PAX5: variants seen among roughly 807,000 people sequenced by gnomAD.
The protein encoded by PAX5 is paired box protein Pax-5.
A neutral mutation model predicts 43.7 loss-of-function variants in PAX5; 9 were observed. The observed-to-expected ratio is 0.21, with a 90% confidence interval of 0.12 to 0.36. The LOEUF is 0.36. PAX5 is among the 10% of genes least tolerant of loss of function. PAX5 has a pLI of 1.00. For synonymous variants in PAX5, 228 were observed against 214.3 expected, an observed-to-expected ratio of 1.06 and a Z score of -0.56; for missense variants, 383 against 532.7, an observed-to-expected ratio of 0.72 and a Z score of 2.77.
chr9:36,971,770 G>A (rs994204202), intron 5 of PAX5, among the ~76,000 whole-genome samples: 3 of 152,172 alleles, frequency 2.0e-5, no homozygotes, highest in African/African-American at 7.2e-5. Context: ...AAGAAATGCT[G>A]GCTTTAAATT....
Position 36,896,983 on chromosome 9 carries a change from A to T in PAX5, c.911-14878T>A, listed in dbSNP as rs562102649. ...AGCAGATCTGAGATTCGGTTCCTGC[A>T]GTCAGACTGCAGACCTTCTGGAGGA... On this transcript the variant is annotated intron_variant, in intron 7 of 9. Coordinates refer to ENST00000358127, the MANE Select transcript of PAX5 (RefSeq NM_016734.3). Among the ~76,000 whole-genome samples, 6 of 152,352 alleles carry T rather than the reference A, an allele frequency of 3.9e-5. No individual in the cohort carries two copies. The East Asian group carries it at 1.2e-3, about 29-fold the overall frequency.
At chr9:36,904,908 G>A (rs976737525) in intron 7 of PAX5, among the ~76,000 whole-genome samples, 2 of 152,186 alleles carry the variant, frequency 1.3e-5, no homozygotes, top group African/African-American at 4.8e-5. Context: ...TGCTGGAGAA[G>A]GCAGAGACAA....
chr9:36,963,514 C>T (rs559260509), intron 6 of PAX5, among the ~76,000 whole-genome samples: 48 of 152,326 alleles, frequency 3.2e-4, no homozygotes, highest in African/African-American at 1.1e-3. Flanking sequence ...GTCCACAGCA[C>T]GCTGCCCCTG....
intron 6 of PAX5, among the ~76,000 whole-genome samples, chr9:36,955,814 C>CAT (rs1564007286): frequency 3.4e-5 from 5 of 148,748 alleles, no homozygotes; most frequent in African/African-American, 7.5e-5. Context: ...CCCACACACA[C>CAT]ATATATATAT....
At chr9:36,872,985 C>A (rs529790333) in intron 8 of PAX5, among the ~76,000 whole-genome samples, 87 of 152,350 alleles carry the variant, frequency 5.7e-4, no homozygotes, top group East Asian at 1.9e-4. Context: ...TCCCAGCTCC[C>A]TCCCTGATGC....
At chr9:36,988,271 A>C (rs1426577254) in intron 5 of PAX5, among the ~76,000 whole-genome samples, 1 of 152,202 alleles carries the variant, frequency 6.6e-6, no homozygotes, top group Non-Finnish European at 1.5e-5. Flanking sequence ...TTTCAGAAAC[A>C]TGGAGCTGAA....
chr9:37,015,166 C>A lies in PAX5; in HGVS notation c.241G>T (p.Gly81Trp), dbSNP rs2132472595. The change falls in exon 3 of 10, where the codon GGG (glycine) becomes TGG (tryptophan). Residue 81 changes from glycine (G) to tryptophan (W), a missense_variant. Physicochemically the swap from Gly to Trp is radical, Grantham distance 184. This residue lies in a region of PAX5 where 33 missense variants were observed against 70.6 expected (regional missense o/e 0.47). Transcript: ENST00000358127. The surrounding 1 kb of genome is among the most constrained non-coding windows in gnomAD (Gnocchi z 4.4). ...TTTGGTTTGGATCCTCCAATTACCC[C>A]AGGCTTGATGCTTCCTGTCTCATAA... ...RYYETGSIKP[G>W]VIGGSKPKVA... 1 of 1,614,178 alleles carries A rather than the reference C, an allele frequency of 6.2e-7. No individual in the cohort carries two copies. The highest frequency in any genetic ancestry group is 8.5e-7 in the Non-Finnish European group (1 of 1,180,020).
chr9:36,907,983 C>T (rs996291003), intron 7 of PAX5, among the ~76,000 whole-genome samples: 1 of 151,986 alleles, frequency 6.6e-6, no homozygotes. Context: ...GAGGATTGCT[C>T]GAGCCCAGGA....
chr9:37,014,738 T>C (rs1839246726), intron 3 of PAX5, among the ~76,000 whole-genome samples: 1 of 152,142 alleles, frequency 6.6e-6, no homozygotes, highest in African/African-American at 2.4e-5. Flanking sequence ...TGGAAATAAC[T>C]CTGGGCTCAG....
At chr9:36,957,122 GC>G (rs1833556632) in intron 6 of PAX5, among the ~76,000 whole-genome samples, 1 of 152,218 alleles carries the variant, frequency 6.6e-6, no homozygotes, top group Admixed American at 6.5e-5. Context: ...CTGGTGGGCG[GC>G]ATCGCTGTGC....
At chr9:36,979,148 A>T (rs1159999173) in intron 5 of PAX5, among the ~76,000 whole-genome samples, 1 of 152,114 alleles carries the variant, frequency 6.6e-6, no homozygotes, top group African/African-American at 2.4e-5. Context: ...TGTTAGATGT[A>T]CTCGGACTGG....
chr9:36,965,737 G>GC (rs1265715514), intron 6 of PAX5, among the ~76,000 whole-genome samples: 1 of 152,214 alleles, frequency 6.6e-6, no homozygotes, highest in African/African-American at 2.4e-5. Flanking sequence ...TCTCTGGTTG[G>GC]CCCACCAGGT....
chr9:37,026,303 C>G (rs1840357129), intron 1 of PAX5, among the ~76,000 whole-genome samples: 1 of 152,380 alleles, frequency 6.6e-6, no homozygotes, highest in African/African-American at 2.4e-5. Flanking sequence ...AAGGCTGCAG[C>G]TCGCTGCCCA....
Position 36,882,004 on chromosome 9 carries a change from C to T in PAX5, c.1012G>A (p.Gly338Arg), listed in dbSNP as rs2131762181. Residue 338 changes from glycine (G) to arginine (R), a missense_variant and splice_region_variant, in exon 8 of 10, where the codon GGG becomes AGG. Coordinates refer to ENST00000358127, the MANE Select transcript of PAX5 (RefSeq NM_016734.3). The surrounding 1 kb of genome is among the most constrained non-coding windows in gnomAD (Gnocchi z 4.4). ...GGAGACGCCGACAGTGCAAACTCAC[C>T]AGGCACCATCCCTGTCAGCGTCGGT... is the stretch of plus-strand genomic sequence containing the variant. Reference protein sequence around the residue: ...SAPTLTGMVPGSEFSGSPYSH... With the variant: ...SAPTLTGMVPRSEFSGSPYSH... The T allele has an allele frequency of 6.2e-7, 1 of 1,608,680 alleles. No individual in the cohort carries two copies. Among genetic ancestry groups the T allele is most frequent in the Non-Finnish European group, 8.5e-7 (1 of 1,177,260 alleles).
chr9:36,902,916 C>T (rs73648168), intron 7 of PAX5, among the ~76,000 whole-genome samples: 7,250 of 152,240 alleles, frequency 0.048, 293 homozygotes, highest in Admixed American at 0.097. Context: ...AGAGTAGCTG[C>T]CCAGAGCCCT....
chr9:36,848,451 C>T (rs960683008), intron 8 of PAX5, among the ~76,000 whole-genome samples: 1 of 152,066 alleles, frequency 6.6e-6, no homozygotes, highest in African/African-American at 2.4e-5. Flanking sequence ...TTCCAATTCT[C>T]TGTTTTTTAT....
chr9:36,926,374 C>T (rs1272472021), intron 6 of PAX5, among the ~76,000 whole-genome samples: 4 of 152,164 alleles, frequency 2.6e-5, no homozygotes, highest in Admixed American at 2.6e-4. Context: ...TTTCCCATGT[C>T]AGTGGGTATG....
At chr9:36,883,697 G>A (rs1465626489) in intron 7 of PAX5, among the ~76,000 whole-genome samples, 1 of 151,400 alleles carries the variant, frequency 6.6e-6, no homozygotes, top group East Asian at 1.9e-4. Flanking sequence ...GAATGAATTA[G>A]GAAACAGAAA....
intron 6 of PAX5, among the ~76,000 whole-genome samples, chr9:36,935,393 A>G (rs1005274935): frequency 2.6e-4 from 7 of 27,054 alleles, no homozygotes; most frequent in African/African-American, 6.3e-4. Flanking sequence ...AAGCAAACAA[A>G]CAAAAAAAAA....
Sources: gnomAD v4.1 joint callset for allele counts (sites outside exome capture counted in the v4.1 genomes callset) on GRCh38, gnomAD v4.1.1 for gene constraint, gnomAD v4.1.1 regional missense constraint, Gnocchi (gnomAD v3.1) non-coding constraint, MANE v1.5 for transcripts, NCBI Gene and HGNC (gene_info 2026-07-23, HGNC 2026-07-21) for gene names.